SLC2A12: variants seen among roughly 807,000 people sequenced by gnomAD.
The protein encoded by SLC2A12 is solute carrier family 2 member 12, also known as solute carrier family 2, facilitated glucose transporter member 12.
SLC2A12 carries 23 observed loss-of-function variants against 41.8 expected under a neutral mutation model. The ratio of observed to expected loss-of-function variants is 0.55; its 90% CI spans 0.40 to 0.78. The LOEUF (loss-of-function observed/expected upper bound fraction) is 0.78, where lower values mean the gene tolerates loss of function less well. SLC2A12 is among the 30% of genes least tolerant of loss of function. The pLI, the probability that SLC2A12 is intolerant of heterozygous loss-of-function variation, is 0.00. For synonymous variants in SLC2A12, 295 were observed against 285.9 expected (o/e 1.03, Z -0.32); for missense variants, 654 against 745.6 (o/e 0.88, Z 1.43).
intron 2 of SLC2A12, among the ~76,000 whole-genome samples, chr6:134,015,134 T>C (rs186930400): frequency 2.0e-5 from 3 of 152,364 alleles, no homozygotes; most frequent in Admixed American, 2.0e-4. Context: ...AACTGAAATT[T>C]AAGATTTAAA....
rs1470129529 is a variant in SLC2A12 at position 134,002,229 on chromosome 6, T to C, written c.1568-100A>G. ...GGCATACATAGCACCATATGTATTT[T>C]CAAACATGCCAGCAGTATCCAGGAA... is the stretch of plus-strand genomic sequence containing the variant. On this transcript the variant is annotated intron_variant, in intron 3 of 4. Transcript: ENST00000275230. 5 of 1,252,890 alleles carry C rather than the reference T, an allele frequency of 4.0e-6. No homozygotes were observed. The South Asian group carries it at 5.5e-5, about 14-fold the overall frequency. The allele number at this position is 1,252,890 out of a possible 1,614,324, so 77.6% of individuals were successfully genotyped here.
chr6:134,003,261 T>A (rs941562277), intron 3 of SLC2A12, among the ~76,000 whole-genome samples: 1 of 152,172 alleles, frequency 6.6e-6, no homozygotes, highest in Admixed American at 6.5e-5. Flanking sequence ...AACTCCTGTC[T>A]CTCTCTGCTT....
intron 2 of SLC2A12, among the ~76,000 whole-genome samples, chr6:134,009,712 G>A (rs1402979058): frequency 6.9e-6 from 1 of 145,942 alleles, no homozygotes; most frequent in East Asian, 2.0e-4. Flanking sequence ...AGGTGTGGTG[G>A]CACATGCCCG....
At position 133,990,554 on chromosome 6, in the gene SLC2A12, A is replaced by G. The variant is rs1776606548; in HGVS notation, c.*601T>C. ...TTCATAAAAGGATATTTTGCATTAA[A>G]TTATAGTTTATAGTTCATAAAATAA... On this transcript the variant is annotated 3_prime_UTR_variant, in exon 5 of 5. Coordinates refer to ENST00000275230, the MANE Select transcript of SLC2A12 (RefSeq NM_145176.3). The G allele has an allele frequency of 6.6e-6, 1 of 152,418 alleles. No homozygotes were observed. Among genetic ancestry groups the G allele is most frequent in the South Asian group, 2.1e-4 (1 of 4,834 alleles). 9.4% of individuals were successfully genotyped at this position (152,418 alleles called of 1,614,324 possible). A position where few individuals can be genotyped will look rare whatever the true frequency, so the allele number is the denominator to read the frequency against.
intron 2 of SLC2A12, among the ~76,000 whole-genome samples, chr6:134,016,260 T>C (rs1181872368): frequency 6.6e-6 from 1 of 150,696 alleles, no homozygotes; most frequent in African/African-American, 2.4e-5. Context: ...AAAGATAACA[T>C]CTCCTAGAAA....
At position 134,028,506 on chromosome 6, in the gene SLC2A12, G is replaced by A; in HGVS notation, c.1319C>T (p.Ala440Val). The part of the protein sequence containing the change: ...GETTSASLLN[A>V]GLSHTEYQIV... ...CTGGTATTCAGTGTGGCTTAATCCAGCATTTAGCAAGGATGCTGAGGTCGT... is the reference window on the plus strand; with the variant it reads ...CTGGTATTCAGTGTGGCTTAATCCAACATTTAGCAAGGATGCTGAGGTCGT... Residue 440 changes from alanine (A) to valine (V), a missense_variant, in exon 2 of 5, where the codon GCT (alanine) becomes GTT (valine). Ala to Val is a moderately conservative substitution (Grantham distance 64). This residue lies in a region of SLC2A12 where 411 missense variants were observed against 412.1 expected (regional missense o/e 1.00). Transcript: ENST00000275230. The A allele has an allele frequency of 6.2e-7, 1 of 1,614,170 alleles. No individual in the cohort carries two copies. Among genetic ancestry groups the A allele is most frequent in the Non-Finnish European group, 8.5e-7 (1 of 1,180,030 alleles).
At chr6:134,043,376 C>A (rs990276621) in intron 1 of SLC2A12, among the ~76,000 whole-genome samples, 9 of 152,000 alleles carry the variant, frequency 5.9e-5, no homozygotes, top group African/African-American at 2.2e-4. Flanking sequence ...AAGGGGCCTG[C>A]AACTATTTTT....
intron 4 of SLC2A12, among the ~76,000 whole-genome samples, chr6:133,997,607 C>T (rs967098049): frequency 6.6e-6 from 1 of 152,104 alleles, no homozygotes; most frequent in Non-Finnish European, 1.5e-5. Flanking sequence ...ATTGGGTACT[C>T]ATGGACATAA....
intron 2 of SLC2A12, among the ~76,000 whole-genome samples, chr6:134,018,411 A>G (rs912740828): frequency 2.0e-5 from 3 of 152,124 alleles, no homozygotes; most frequent in African/African-American, 7.2e-5. Flanking sequence ...GTGGTGCTGG[A>G]TTCAAGGCCA....
Position 134,028,226 on chromosome 6 carries a change from G to A in SLC2A12, c.1444+155C>T, listed in dbSNP as rs779840210. ...AATACTAGCCCTGTACTTTTCAGAA[G>A]CAGATATAAGCCAAGCATACTTTCT... is the stretch of plus-strand genomic sequence containing the variant. On this transcript the variant is annotated intron_variant, in intron 2 of 4. Transcript: ENST00000275230. Among the ~76,000 whole-genome samples, 5 of 152,164 alleles carry A rather than the reference G, an allele frequency of 3.3e-5. No individual in the cohort carries two copies. The East Asian group carries it at 5.8e-4, about 18-fold the overall frequency.
At chr6:133,992,409 G>A (rs1000665978) in intron 4 of SLC2A12, among the ~76,000 whole-genome samples, 3 of 152,142 alleles carry the variant, frequency 2.0e-5, no homozygotes, top group Non-Finnish European at 4.4e-5. Context: ...CTTGGGAAAA[G>A]TATTGGTGTG....
In SLC2A12 at chr6:134,052,374, T is replaced by G. The variant is rs975975383; in HGVS notation, c.103+4A>C. The G allele has an allele frequency of 6.2e-7, 1 of 1,609,152 alleles. No individual in the cohort carries two copies. The highest frequency in any genetic ancestry group is 1.7e-5 in the Admixed American group (1 of 59,890). On this transcript the variant is annotated splice_donor_region_variant and intron_variant, in intron 1 of 4. Coordinates refer to ENST00000275230, the MANE Select transcript of SLC2A12 (RefSeq NM_145176.3). ...GTCACCCGAGCACTGCAGGCTCACT[T>G]TACCTCTCGCCCAGGGAGGATGCCG...
rs1166297755 is a variant in SLC2A12, at chr6:133,989,775, T to C, written c.*1380A>G. ...ATGTAATAGATCATGTTTCCTTATA[T>C]GACATTGGGACAGTTTGTTAGGAAC... On this transcript the variant is annotated 3_prime_UTR_variant, in exon 5 of 5. Coordinates refer to ENST00000275230, the MANE Select transcript of SLC2A12 (RefSeq NM_145176.3). The C allele has an allele frequency of 2.0e-5, 3 of 152,218 alleles. No homozygotes were observed. The highest frequency in any genetic ancestry group is 3.2e-3 in the Middle Eastern group (1 of 316). The allele number at this position is 152,218 out of a possible 1,614,324, so 9.4% of individuals were successfully genotyped here.
At chr6:133,991,366 T>C in intron 4 of SLC2A12, 58 bp from the exon 5 acceptor site, 1 of 1,564,640 alleles carries the variant, frequency 6.4e-7, no homozygotes, top group Non-Finnish European at 8.7e-7. Context: ...GAAAAAAATG[T>C]GTAGGCTATT....
Position 133,988,821 on chromosome 6 carries a change from C to T in SLC2A12, c.*2334G>A, listed in dbSNP as rs1320381431. 2.0e-5 allele frequency: 3 copies of T among 151,962 alleles called. No individual in the cohort carries two copies. The allele number at this position is 151,962 out of a possible 1,614,324, so 9.4% of individuals were successfully genotyped here. A position where few individuals can be genotyped will look rare whatever the true frequency, so the allele number is the denominator to read the frequency against. On this transcript the variant is annotated 3_prime_UTR_variant, in exon 5 of 5. Transcript: ENST00000275230. ...TAAAATTACATGAAAGAGTTACAAG[C>T]TCACTGTTTTAAAGACTTGACATTT...
chr6:133,992,891 T>A (rs1776641569), intron 4 of SLC2A12, among the ~76,000 whole-genome samples: 1 of 152,174 alleles, frequency 6.6e-6, no homozygotes, highest in African/African-American at 2.4e-5. Context: ...ATCCTGCTTT[T>A]CTGTTCCCCT....
rs766984247 is a variant in SLC2A12, at chr6:134,028,664, A to G, written c.1161T>C (p.Asp387=). The G allele has an allele frequency of 6.2e-7, 1 of 1,614,238 alleles. No homozygotes were observed. Among genetic ancestry groups the G allele is most frequent in the South Asian group, 1.1e-5 (1 of 91,086 alleles). Residue 387 remains aspartate, a synonymous_variant, in exon 2 of 5, where the codon GAT becomes GAC. Coordinates refer to ENST00000275230, the MANE Select transcript of SLC2A12 (RefSeq NM_145176.3). ...TTCCTGGTCCATAAATCACAGACTCATCCAAGGACTGGTTGATAGAATTGT... is the reference window on the plus strand; with the variant it reads ...TTCCTGGTCCATAAATCACAGACTCGTCCAAGGACTGGTTGATAGAATTGT... ...RSHNSINQSL[D]ESVIYGPGNL... is the part of the protein sequence containing the mutation.
chr6:134,040,060 T>G (rs1372422281), intron 1 of SLC2A12, among the ~76,000 whole-genome samples: 2 of 144,918 alleles, frequency 1.4e-5, no homozygotes, highest in East Asian at 3.9e-4. Flanking sequence ...TGTTTTTTGT[T>G]TTTTTTTTTT....
chr6:134,004,119 A>G (rs1290453631), intron 3 of SLC2A12, among the ~76,000 whole-genome samples: 6 of 152,164 alleles, frequency 3.9e-5, no homozygotes, highest in African/African-American at 1.4e-4. Flanking sequence ...CCTCCAGTGT[A>G]TTAGCTATAG....
Sources: allele counts gnomAD v4.1 joint callset (sites outside exome capture counted in the v4.1 genomes callset), GRCh38; gene constraint gnomAD v4.1.1; regional missense constraint gnomAD v4.1.1; transcripts MANE v1.5; gene names NCBI Gene and HGNC (gene_info 2026-07-23, HGNC 2026-07-21).